RBPJ: variants seen among roughly 807,000 people sequenced by gnomAD.
RBPJ encodes recombining binding protein suppressor of hairless.
Under a neutral mutation model 67.8 loss-of-function variants are expected in RBPJ, and 9 were observed. The observed-to-expected ratio is 0.13, with a 90% CI of 0.08 to 0.23. The LOEUF (loss-of-function observed/expected upper bound fraction) is 0.23. Among genes scored for constraint, RBPJ ranks in the 10% least tolerant of loss-of-function variants. The pLI, the probability that RBPJ is intolerant of heterozygous loss-of-function variation, is 1.00. For missense variants in RBPJ, 305 were observed against 595.6 expected, an observed-to-expected ratio of 0.51 and a Z score of 5.08; for synonymous variants, 198 against 203.3, an observed-to-expected ratio of 0.97 and a Z score of 0.22.
intron 1 of RBPJ, among the ~76,000 whole-genome samples, chr4:26,309,056 CAG>C (rs1386191804): frequency 7.1e-6 from 1 of 140,412 alleles, no homozygotes; most frequent in African/African-American, 2.7e-5. Flanking sequence ...TTTTTTGAGA[CAG>C]AGTCTTGTGC....
upstream of RBPJ, chr4:26,320,652 A>AC: frequency 7.3e-7 from 1 of 1,376,280 alleles, no homozygotes; most frequent in South Asian, 1.4e-5. Context: ...CCGCCTCCTG[A>AC]CCCCTCCATT....
At chr4:26,191,563 G>A (rs1717549851) in intron 1 of RBPJ, among the ~76,000 whole-genome samples, 2 of 152,136 alleles carry the variant, frequency 1.3e-5, no homozygotes, top group Admixed American at 6.6e-5. Context: ...AATCAGCAAA[G>A]GAGAAAAGTG....
chr4:26,368,346 C>A (rs1017290680), intron 1 of RBPJ, among the ~76,000 whole-genome samples: 3 of 152,176 alleles, frequency 2.0e-5, no homozygotes, highest in African/African-American at 4.8e-5. Flanking sequence ...TCTTCCTACT[C>A]TTTTCCATAG....
At chr4:26,295,740 G>A (rs999902021) in intron 1 of RBPJ, among the ~76,000 whole-genome samples, 1 of 152,146 alleles carries the variant, frequency 6.6e-6, no homozygotes, top group Non-Finnish European at 1.5e-5. Flanking sequence ...GATGAGGGCC[G>A]TTAATTGTGG....
the RBPJ span, among the ~76,000 whole-genome samples, chr4:26,126,774 G>C: frequency 6.6e-6 from 1 of 152,202 alleles, no homozygotes; most frequent in African/African-American, 2.4e-5. Context: ...AGGTGCTTTT[G>C]AATGCAAAGG....
intron 1 of RBPJ, among the ~76,000 whole-genome samples, chr4:26,276,290 A>G (rs1228899471): frequency 6.6e-6 from 1 of 151,284 alleles, no homozygotes; most frequent in Non-Finnish European, 1.5e-5. Flanking sequence ...AAAAAAAAAG[A>G]AAAAGAAAAC....
intron 1 of RBPJ, among the ~76,000 whole-genome samples, chr4:26,230,470 G>C (rs1719240001): frequency 6.6e-6 from 1 of 152,154 alleles, no homozygotes; most frequent in African/African-American, 2.4e-5. Flanking sequence ...TTGCAGTTAG[G>C]TCCTATTTTA....
chr4:26,222,633 A>AATATATAT (rs10673072), intron 1 of RBPJ, among the ~76,000 whole-genome samples: 1,556 of 135,850 alleles, frequency 0.011, 19 homozygotes, highest in East Asian at 0.043. Flanking sequence ...TGTACTCTGA[A>AATATATAT]ATATATATAT....
chr4:26,323,328 T>A (rs1723283332), intron 1 of RBPJ, among the ~76,000 whole-genome samples: 2 of 152,160 alleles, frequency 1.3e-5, no homozygotes, highest in Admixed American at 6.5e-5. Flanking sequence ...GGAAGGTATT[T>A]TGCTCTGACT....
intron 1 of RBPJ, among the ~76,000 whole-genome samples, chr4:26,290,710 T>C (rs1721639496): frequency 6.6e-6 from 1 of 150,914 alleles, no homozygotes; most frequent in Non-Finnish European, 1.5e-5. Context: ...TGCCTTCTTT[T>C]AAGCACTCGA....
At chr4:26,324,401 A>AGTGTGT (rs56655194) in intron 1 of RBPJ, among the ~76,000 whole-genome samples, 31 of 150,078 alleles carry the variant, frequency 2.1e-4, no homozygotes, top group East Asian at 1.8e-3. Context: ...GTCGTGTGTG[A>AGTGTGT]GTGTGTGTGT....
At chr4:26,301,660 AT>A (rs1018415364) in intron 1 of RBPJ, among the ~76,000 whole-genome samples, 4 of 151,910 alleles carry the variant, frequency 2.6e-5, no homozygotes, top group African/African-American at 9.7e-5. Context: ...AGTATTGCCC[AT>A]TTTTAAAATA....
chr4:26,340,585 C>T (rs560506129), intron 1 of RBPJ, among the ~76,000 whole-genome samples: 26 of 151,938 alleles, frequency 1.7e-4, no homozygotes, highest in Non-Finnish European at 2.8e-4. Context: ...TGGGGCCGGG[C>T]GGGGTAGCTC....
At chr4:26,199,972 A>T (rs1397329633) in intron 1 of RBPJ, among the ~76,000 whole-genome samples, 6 of 152,096 alleles carry the variant, frequency 3.9e-5, no homozygotes, top group Non-Finnish European at 7.4e-5. Flanking sequence ...GTGCCATGTG[A>T]TTCAATCCTG....
chr4:26,359,705 G>C (rs1370422637), intron 1 of RBPJ: 1 of 152,238 alleles, frequency 6.6e-6, no homozygotes, highest in Non-Finnish European at 1.5e-5. Flanking sequence ...GGGCCGGGGC[G>C]GGCGTGGCGT....
intron 4 of RBPJ, among the ~76,000 whole-genome samples, chr4:26,419,713 C>G (rs2109801225): frequency 6.6e-6 from 1 of 152,272 alleles, no homozygotes; most frequent in African/African-American, 2.4e-5. Context: ...ATTTAGACCC[C>G]TCCCTGATTC....
chr4:26,159,722 A>C (rs996964848), upstream of RBPJ, among the ~76,000 whole-genome samples: 2 of 152,206 alleles, frequency 1.3e-5, no homozygotes, highest in African/African-American at 4.8e-5. Flanking sequence ...TAACAAAGAT[A>C]CCCTAAAGTA....
chr4:26,309,476 A>G (rs1230674760), intron 1 of RBPJ, among the ~76,000 whole-genome samples: 2 of 152,206 alleles, frequency 1.3e-5, no homozygotes, highest in Non-Finnish European at 2.9e-5. Context: ...TATTTTATGT[A>G]ATACCTCAAT....
the RBPJ span, among the ~76,000 whole-genome samples, chr4:26,143,791 G>A: frequency 6.6e-6 from 1 of 152,134 alleles, no homozygotes; most frequent in Non-Finnish European, 1.5e-5. Context: ...AGCCGGGCAT[G>A]GTGACACACA....
Sources: allele counts gnomAD v4.1 joint callset (sites outside exome capture counted in the v4.1 genomes callset), GRCh38; gene constraint gnomAD v4.1.1; transcripts MANE v1.5; gene names NCBI Gene and HGNC (gene_info 2026-07-23, HGNC 2026-07-21).